NCK1: variants seen among roughly 807,000 people sequenced by gnomAD.
NCK1 encodes NCK adaptor protein 1, also known as SH2/SH3 adapter protein NCK1.
Under a neutral mutation model 36.6 loss-of-function variants are expected in NCK1, and 19 were observed. The ratio of observed to expected loss-of-function variants is 0.52; its 90% confidence interval spans 0.36 to 0.76. The LOEUF is 0.76. Ranked by LOEUF, NCK1 falls within the 30% of genes least tolerant of loss-of-function variation. The pLI is 0.00. For missense variants in NCK1, 358 were observed against 445.6 expected (o/e 0.80, Z 1.77); for synonymous variants, 165 against 156.0 (o/e 1.06, Z -0.43).
At chr3:136,895,447 C>T (rs770009587) in intron 1 of NCK1, among the ~76,000 whole-genome samples, 1 of 151,844 alleles carries the variant, frequency 6.6e-6, no homozygotes, top group Admixed American at 6.6e-5. Flanking sequence ...AATTGCCATA[C>T]CACCTTTTTA....
In NCK1 at chr3:136,951,539, T is replaced by C. The variant is rs1258593728; in HGVS notation, c.*3086T>C. ...GAATCTAATATGGATGGTCCTCTTA[T>C]CTTTACCAGTGCACATGGTGAAAAA... On this transcript the variant is annotated 3_prime_UTR_variant, in exon 4 of 4. Transcript: ENST00000481752. 1.3e-5 allele frequency among the ~76,000 whole-genome samples: 2 copies of C among 152,204 alleles called. No individual in the cohort carries two copies. Among genetic ancestry groups the C allele is most frequent in the Non-Finnish European group, 2.9e-5 (2 of 68,034 alleles).
chr3:136,878,627 A>G (rs1938841774), intron 1 of NCK1, among the ~76,000 whole-genome samples: 1 of 152,014 alleles, frequency 6.6e-6, no homozygotes, highest in South Asian at 2.1e-4. Context: ...TAGTTGCACA[A>G]CTCTGAATAG....
Position 136,946,008 on chromosome 3 carries a change from G to T in NCK1, c.652G>T (p.Asp218Tyr), listed in dbSNP as rs1370596861. The T allele has an allele frequency of 1.2e-6, 2 of 1,613,970 alleles. No homozygotes were observed. Among genetic ancestry groups the T allele is most frequent in the Admixed American group, 3.3e-5 (2 of 59,998 alleles). Residue 218 changes from aspartate to tyrosine, a missense_variant, in exon 3 of 4, where the codon GAT (aspartate) becomes TAT (tyrosine). Asp to Tyr is a radical substitution (Grantham distance 160). This residue lies in a region of NCK1 where 207 missense variants were observed against 253.4 expected (regional missense o/e 0.82). Transcript: ENST00000481752. ...ELNFEKGDVM[D>Y]VIEKPENDPE... Reference sequence around the variant, plus strand: ...TAATTTCGAGAAAGGAGATGTAATGGATGTTATTGAAAAACCTGAAAATGA... The same window carrying T: ...TAATTTCGAGAAAGGAGATGTAATGTATGTTATTGAAAAACCTGAAAATGA...
At chr3:136,922,888 C>G (rs1407889713) in intron 1 of NCK1, among the ~76,000 whole-genome samples, 1 of 152,136 alleles carries the variant, frequency 6.6e-6, no homozygotes, top group East Asian at 1.9e-4. Flanking sequence ...CATTGCAGCA[C>G]TATTTAATCC....
chr3:136,894,321 C>G (rs943192731), intron 1 of NCK1, among the ~76,000 whole-genome samples: 2 of 152,122 alleles, frequency 1.3e-5, no homozygotes, highest in African/African-American at 4.8e-5. Flanking sequence ...AATCTAACTT[C>G]TCTACCCCTT....
intron 1 of NCK1, among the ~76,000 whole-genome samples, chr3:136,921,914 G>A (rs954128532): frequency 1.3e-5 from 2 of 152,190 alleles, no homozygotes; most frequent in East Asian, 1.9e-4. Context: ...CTCCTGAGTA[G>A]CTGGGACTAC....
chr3:136,937,524 G>A (rs1418873766), intron 2 of NCK1, among the ~76,000 whole-genome samples: 1 of 152,164 alleles, frequency 6.6e-6, no homozygotes. Flanking sequence ...TTGAACTTTA[G>A]TAAGAATTGC....
chr3:136,940,836 C>T (rs996587635), intron 2 of NCK1, among the ~76,000 whole-genome samples: 13 of 152,160 alleles, frequency 8.5e-5, no homozygotes, highest in Middle Eastern at 3.4e-3. Context: ...TGAGACACCG[C>T]GCCGGGCCTA....
chr3:136,900,446 C>T (rs1939512933), intron 1 of NCK1, among the ~76,000 whole-genome samples: 1 of 152,010 alleles, frequency 6.6e-6, no homozygotes, highest in South Asian at 2.1e-4. Flanking sequence ...AAGATTGCTT[C>T]TTCTATTTCT....
intron 1 of NCK1, among the ~76,000 whole-genome samples, chr3:136,896,847 T>C (rs1258986618): frequency 6.6e-6 from 1 of 151,860 alleles, no homozygotes. Context: ...TATTTGCTAT[T>C]GTGAATAGTG....
chr3:136,875,041 C>G (rs1938727700), intron 1 of NCK1, among the ~76,000 whole-genome samples: 1 of 152,146 alleles, frequency 6.6e-6, no homozygotes, highest in African/African-American at 2.4e-5. Context: ...CTATTTTTAA[C>G]AATTTTTCTT....
chr3:136,922,080 G>A (rs751619081), intron 1 of NCK1, among the ~76,000 whole-genome samples: 2 of 152,192 alleles, frequency 1.3e-5, no homozygotes, highest in African/African-American at 2.4e-5. Context: ...ACCGCGCCCG[G>A]CCACTGAGTG....
intron 1 of NCK1, among the ~76,000 whole-genome samples, chr3:136,893,147 A>AGTTGTGTGT (rs1553793928): frequency 7.2e-5 from 3 of 41,890 alleles, no homozygotes; most frequent in African/African-American, 2.4e-4. Flanking sequence ...AATATTCCAT[A>AGTTGTGTGT]GTGTGTGTGT....
chr3:136,875,033 A>G (rs956926054), intron 1 of NCK1, among the ~76,000 whole-genome samples: 3 of 152,124 alleles, frequency 2.0e-5, no homozygotes, highest in African/African-American at 4.8e-5. Context: ...TGTTACGTCT[A>G]TTTTTAACAA....
intron 1 of NCK1, among the ~76,000 whole-genome samples, chr3:136,906,481 G>A (rs942709551): frequency 1.3e-5 from 2 of 152,130 alleles, no homozygotes; most frequent in African/African-American, 2.4e-5. Flanking sequence ...GGCACCAGTG[G>A]GTTGAAATTG....
intron 1 of NCK1, chr3:136,899,596 G>T (rs972428734): frequency 3.2e-6 from 2 of 634,392 alleles, no homozygotes; most frequent in East Asian, 3.2e-5. Context: ...TTCCTCTGTT[G>T]TACCGCAGCT....
chr3:136,891,543 G>T (rs1939246123), intron 1 of NCK1, among the ~76,000 whole-genome samples: 1 of 152,124 alleles, frequency 6.6e-6, no homozygotes, highest in Non-Finnish European at 1.5e-5. Context: ...CTTCTTTTGG[G>T]TTTGTATCCA....
At chr3:136,891,954 T>C (rs1460824305) in intron 1 of NCK1, among the ~76,000 whole-genome samples, 5 of 152,176 alleles carry the variant, frequency 3.3e-5, no homozygotes, top group Non-Finnish European at 5.9e-5. Flanking sequence ...AGTGACATAA[T>C]CATGGCTCAT....
At chr3:136,924,030 T>G (rs1206578385) in intron 1 of NCK1, among the ~76,000 whole-genome samples, 1 of 152,182 alleles carries the variant, frequency 6.6e-6, no homozygotes, top group Non-Finnish European at 1.5e-5. Flanking sequence ...TAGCACATCA[T>G]CATTATTGAA....
Sources: allele counts gnomAD v4.1 joint callset (sites outside exome capture counted in the v4.1 genomes callset), GRCh38; gene constraint gnomAD v4.1.1; regional missense constraint gnomAD v4.1.1; transcripts MANE v1.5; gene names NCBI Gene and HGNC (gene_info 2026-07-23, HGNC 2026-07-21).